The following THADA variants were observed in gnomAD, a reference collection of about 807,000 sequenced individuals.
THADA encodes THADA armadillo repeat containing.
Under a neutral mutation model 219.8 loss-of-function variants are expected in THADA, and 213 were observed. The observed-to-expected ratio is 0.97, with a 90% CI of 0.87 to 1.09. The LOEUF is 1.09. THADA is among the 50% of genes least tolerant of loss of function. THADA has a pLI of 0.00. For synonymous variants in THADA, 1,018 were observed against 828.9 expected, an observed-to-expected ratio of 1.23 and a Z score of -3.92; for missense variants, 2,956 against 2,311.3, an observed-to-expected ratio of 1.28 and a Z score of -5.72.
intron 28 of THADA, among the ~76,000 whole-genome samples, chr2:43,398,748 T>C (rs1269963756): frequency 6.6e-6 from 1 of 152,216 alleles, no homozygotes; most frequent in Non-Finnish European, 1.5e-5. Flanking sequence ...TCTAGGTAGA[T>C]GTGTTTGAAT....
chr2:43,369,346 A>G (rs1289768903), intron 29 of THADA, among the ~76,000 whole-genome samples: 1 of 152,038 alleles, frequency 6.6e-6, no homozygotes, highest in Non-Finnish European at 1.5e-5. Flanking sequence ...AATCCAGAAC[A>G]CCTTTTGTCC....
chr2:43,462,459 G>T (rs984192018), intron 26 of THADA, among the ~76,000 whole-genome samples: 1 of 152,012 alleles, frequency 6.6e-6, no homozygotes, highest in African/African-American at 2.4e-5. Context: ...AAAAAACAGG[G>T]GAGGCTACCT....
intron 28 of THADA, among the ~76,000 whole-genome samples, chr2:43,424,478 C>T (rs1478223009): frequency 2.6e-5 from 4 of 152,160 alleles, no homozygotes; most frequent in Non-Finnish European, 4.4e-5. Flanking sequence ...TGCATACACC[C>T]ATCCATCTTT....
chr2:43,247,853 G>T (rs1669322270), intron 36 of THADA, among the ~76,000 whole-genome samples: 1 of 151,388 alleles, frequency 6.6e-6, no homozygotes, highest in South Asian at 2.1e-4. Context: ...GCCCAGCTTG[G>T]GCAACATAGT....
intron 22 of THADA, among the ~76,000 whole-genome samples, chr2:43,525,910 T>C (rs1462437716): frequency 6.6e-6 from 1 of 152,214 alleles, no homozygotes; most frequent in Non-Finnish European, 1.5e-5. Flanking sequence ...ATCTACTTTG[T>C]TATAACTGAT....
chr2:43,522,718 T>C lies in THADA; in HGVS notation c.3374+5161A>G, dbSNP rs200657258. On this transcript the variant is annotated intron_variant, in intron 22 of 37. Coordinates refer to ENST00000405975, the MANE Select transcript of THADA (RefSeq NM_022065.5). ...ATCTGACTCAACTATTACAGTAGGCTTAAAAATGAAAATAAAAATGCAGGA... is the reference window on the plus strand; with the variant it reads ...ATCTGACTCAACTATTACAGTAGGCCTAAAAATGAAAATAAAAATGCAGGA... Among the ~76,000 whole-genome samples, 3 of 152,174 alleles carry C rather than the reference T, an allele frequency of 2.0e-5. No homozygotes were observed. The East Asian group carries it at 5.8e-4, about 29-fold the overall frequency.
intron 15 of THADA, among the ~76,000 whole-genome samples, chr2:43,561,795 T>G (rs983166046): frequency 2.0e-5 from 3 of 152,226 alleles, no homozygotes; most frequent in Admixed American, 6.5e-5. Flanking sequence ...TGAACAGCAG[T>G]GATGACAGTG....
chr2:43,570,432 C>T lies in THADA; in HGVS notation c.2143G>A (p.Glu715Lys). The T allele has an allele frequency of 6.2e-7, 1 of 1,613,608 alleles. No homozygotes were observed. The highest frequency in any genetic ancestry group is 2.2e-5 in the East Asian group (1 of 44,816). ...QSKSKREPEN[E>K]LTKQHPSVSL... ...ACAGAAGGGTGCTGTTTGGTTAACT[C>T]ATTCTCTGGTTCACGTTTGGATTTA... The change falls in exon 14 of 38, where the codon GAG becomes AAG. Residue 715 changes from glutamate to lysine, a missense_variant. Transcript: ENST00000405975.
At chr2:43,263,434 C>A (rs1220845824) in intron 36 of THADA, among the ~76,000 whole-genome samples, 2 of 152,122 alleles carry the variant, frequency 1.3e-5, no homozygotes, top group East Asian at 1.9e-4. Flanking sequence ...ATAAAAAGAA[C>A]CCCGTGAGAA....
chr2:43,407,681 G>A (rs1292993392), intron 28 of THADA, among the ~76,000 whole-genome samples: 1 of 151,992 alleles, frequency 6.6e-6, no homozygotes, highest in Non-Finnish European at 1.5e-5. Context: ...TGATATCCAC[G>A]CTAAAAAGAA....
At chr2:43,349,026 C>T (rs184422011) in intron 29 of THADA, among the ~76,000 whole-genome samples, 12 of 152,074 alleles carry the variant, frequency 7.9e-5, no homozygotes, top group Admixed American at 7.9e-4. Context: ...GGTTATGACC[C>T]AATCAGAAAA....
chr2:43,568,050 G>C (rs1418019840), intron 14 of THADA, among the ~76,000 whole-genome samples: 3 of 152,098 alleles, frequency 2.0e-5, no homozygotes, highest in Admixed American at 2.0e-4. Context: ...AAAATACTGA[G>C]ATTTTGGAGT....
At chr2:43,586,816 GGTTAGCC>G in intron 5 of THADA, 31 bp downstream of exon 5, 1 of 1,612,100 alleles carries the variant, frequency 6.2e-7, no homozygotes, top group Non-Finnish European at 8.5e-7. Context: ...TGATGAGAGG[GGTTAGCC>G]AGAAAAAGGA....
In THADA at chr2:43,549,347, A is replaced by G; in HGVS notation, c.2969T>C (p.Met990Thr). 4 of 1,603,804 alleles carry G rather than the reference A, an allele frequency of 2.5e-6. No homozygotes were observed. Among genetic ancestry groups the G allele is most frequent in the Non-Finnish European group, 3.4e-6 (4 of 1,175,388 alleles). The change falls in exon 20 of 38, where the codon ATG (methionine) becomes ACG (threonine). Residue 990 changes from methionine to threonine, a missense_variant. Transcript: ENST00000405975. ...TCGAGGCTGAATCTCATTCAGAATC[A>G]TCTGTAAGCGGCTTGCTGACTCTGA... ...TDSESASRLQ[M>T]ILNEIQPRDT...
At chr2:43,439,142 C>A (rs1207284045) in intron 26 of THADA, among the ~76,000 whole-genome samples, 2 of 152,136 alleles carry the variant, frequency 1.3e-5, no homozygotes, top group Non-Finnish European at 2.9e-5. Context: ...TATCCTCATC[C>A]TTGGTTTCAG....
intron 26 of THADA, among the ~76,000 whole-genome samples, chr2:43,473,499 A>G (rs1263329904): frequency 1.3e-5 from 2 of 152,150 alleles, no homozygotes; most frequent in African/African-American, 2.4e-5. Flanking sequence ...TTTTTTTTTA[A>G]TAAGTAGGAG....
At chr2:43,416,768 A>C (rs774170094) in intron 28 of THADA, among the ~76,000 whole-genome samples, 24 of 152,250 alleles carry the variant, frequency 1.6e-4, no homozygotes, top group Admixed American at 6.5e-4. Flanking sequence ...TGGCAAACCA[A>C]GGGCGGTGTG....
intron 25 of THADA, among the ~76,000 whole-genome samples, chr2:43,497,320 A>G (rs1157488548): frequency 6.6e-6 from 1 of 152,224 alleles, no homozygotes; most frequent in African/African-American, 2.4e-5. Context: ...GATAAAGAAA[A>G]TGTAGTACAT....
At chr2:43,280,036 G>C in intron 35 of THADA, 140 bp from the exon 36 acceptor site, 2 of 898,128 alleles carry the variant, frequency 2.2e-6, no homozygotes, top group East Asian at 3.3e-5. Flanking sequence ...TGTTAAGATA[G>C]AAAGAGTGTT....
Sources: gnomAD v4.1 joint callset for allele counts (sites outside exome capture counted in the v4.1 genomes callset) on GRCh38, gnomAD v4.1.1 for gene constraint, MANE v1.5 for transcripts, NCBI Gene and HGNC (gene_info 2026-07-23, HGNC 2026-07-21) for gene names.